Variants in MCTP2 observed in about 807,000 individuals in gnomAD.
MCTP2 encodes the protein multiple C2 and transmembrane domain-containing protein 2.
A neutral mutation model predicts 111.6 loss-of-function variants in MCTP2; 132 were observed. The observed-to-expected ratio is 1.18, with a 90% CI of 1.03 to 1.37. MCTP2 has a LOEUF of 1.37. MCTP2 is among the 40% of genes most tolerant of loss of function. MCTP2 has a pLI of 0.00. For missense variants in MCTP2, 1,183 were observed against 1,067.9 expected (o/e 1.11, Z -1.50); for synonymous variants, 395 against 387.7 (o/e 1.02, Z -0.22).
At position 94,427,411 on chromosome 15, in the gene MCTP2, G is replaced by A. The variant is rs375185628; in HGVS notation, c.2086-12765G>A. Among the ~76,000 whole-genome samples, 97 of 152,196 alleles carry A rather than the reference G, an allele frequency of 6.4e-4. 1 individual carries two copies. In the South Asian group the frequency reaches 0.019, roughly 31 times the overall value. On this transcript the variant is annotated intron_variant, in intron 17 of 22. Coordinates refer to ENST00000357742, the MANE Select transcript of MCTP2 (RefSeq NM_001385001.1). ...GCAGACTTAACAGGAAGCATGACTG[G>A]GAGGCCTCAGGAAACTTACAATCAT...
intron 1 of MCTP2, among the ~76,000 whole-genome samples, chr15:94,251,624 G>T (rs2072438088): frequency 6.6e-6 from 1 of 152,198 alleles, no homozygotes; most frequent in South Asian, 2.1e-4. Context: ...CTCCCAAAGT[G>T]CTGGGATTAT....
rs201917276 is a variant in MCTP2 at position 94,311,028 on chromosome 15, T to A, written c.466-3254T>A. 2.3e-4 allele frequency among the ~76,000 whole-genome samples: 24 copies of A among 105,080 alleles called. No homozygotes were observed. The South Asian group carries it at 2.9e-3, about 13-fold the overall frequency. The allele number at this position is 105,080 out of a possible 152,430, so 68.9% of individuals were successfully genotyped here. Reference sequence around the variant, plus strand: ...ATTGGGAACTTTCCTTTTTTTTTTTTTTTTTTTTATTTTTGAGATGGAGTC... The same window carrying A: ...ATTGGGAACTTTCCTTTTTTTTTTTATTTTTTTTATTTTTGAGATGGAGTC... On this transcript the variant is annotated intron_variant, in intron 2 of 22. Transcript: ENST00000357742.
intron 19 of MCTP2, among the ~76,000 whole-genome samples, chr15:94,457,364 A>C (rs1431603058): frequency 6.6e-6 from 1 of 152,236 alleles, no homozygotes; most frequent in African/African-American, 2.4e-5. Flanking sequence ...TGGTAAAAAC[A>C]CATGTAAGGT....
intron 19 of MCTP2, among the ~76,000 whole-genome samples, chr15:94,453,704 G>T (rs1207732728): frequency 2.0e-5 from 3 of 152,054 alleles, no homozygotes. Context: ...CATATTTAAT[G>T]AATAATCATG....
intron 1 of MCTP2, among the ~76,000 whole-genome samples, chr15:94,257,569 GTTTTTTTTTTTTTTTTT>G (rs760633548): frequency 3.8e-4 from 13 of 33,866 alleles, no homozygotes; most frequent in Non-Finnish European, 6.6e-4. Context: ...TTTCTTTGTT[GTTTTTTTTTTTTTTTTT>G]TTTTTTTTTT....
In MCTP2 at chr15:94,315,559, A is replaced by G; in HGVS notation, c.559A>G (p.Asn187Asp). The G allele has an allele frequency of 1.2e-5, 19 of 1,613,978 alleles. No individual in the cohort carries two copies. Among genetic ancestry groups the G allele is most frequent in the Non-Finnish European group, 1.5e-5 (18 of 1,179,918 alleles). Residue 187 changes from asparagine (N) to aspartate (D), a missense_variant, in exon 4 of 23, where the codon AAC (asparagine) becomes GAC (aspartate). Coordinates refer to ENST00000357742, the MANE Select transcript of MCTP2 (RefSeq NM_001385001.1). ...GGGGGAAGCCAGTGATGGCTTGAGT[A>G]ACCTCCCCAGCCCTTTTGCGTACCT... ...VPGEASDGLS[N>D]LPSPFAYLLT...
At chr15:94,473,779 G>C (rs770580992) in intron 21 of MCTP2, among the ~76,000 whole-genome samples, 2 of 152,160 alleles carry the variant, frequency 1.3e-5, no homozygotes, top group Non-Finnish European at 2.9e-5. Context: ...TAAATGAACA[G>C]GCAAGGAACC....
chr15:94,451,269 CTTCT>C (rs1322790411), intron 19 of MCTP2, among the ~76,000 whole-genome samples: 1 of 151,770 alleles, frequency 6.6e-6, no homozygotes, highest in Non-Finnish European at 1.5e-5. Flanking sequence ...AGTGAATGCT[CTTCT>C]TTTTTATTGT....
At chr15:94,333,179 A>C (rs772504325) in intron 4 of MCTP2, among the ~76,000 whole-genome samples, 1 of 152,194 alleles carries the variant, frequency 6.6e-6, no homozygotes. Context: ...AGTAGGTTGC[A>C]GTGAGCCGAT....
intron 17 of MCTP2, among the ~76,000 whole-genome samples, chr15:94,416,430 G>T (rs1252727142): frequency 6.6e-6 from 1 of 152,052 alleles, no homozygotes. Flanking sequence ...AAACACATTT[G>T]AATCAAAATC....
At position 94,470,419 on chromosome 15, in the gene MCTP2, T is replaced by C; in HGVS notation, c.2447T>C (p.Leu816Pro). Reference protein sequence around the residue: ...AATIILYFIPLRYIILIWGIN... With the variant: ...AATIILYFIPPRYIILIWGIN... ...ACCATCATTTTGTATTTCATTCCAC[T>C]GCGGTACATCATTTTAATCTGGGGT... Residue 816 changes from leucine to proline, a missense_variant, in exon 21 of 23, where the codon CTG (leucine) becomes CCG (proline). Coordinates refer to ENST00000357742, the MANE Select transcript of MCTP2 (RefSeq NM_001385001.1). 1.2e-6 allele frequency: 2 copies of C among 1,612,256 alleles called. No homozygotes were observed. The highest frequency in any genetic ancestry group is 1.7e-4 in the Middle Eastern group (1 of 6,054).
At chr15:94,455,765 A>G (rs1264745979) in intron 19 of MCTP2, among the ~76,000 whole-genome samples, 2 of 152,192 alleles carry the variant, frequency 1.3e-5, no homozygotes, top group East Asian at 1.9e-4. Context: ...AGTGGAGTCA[A>G]TTAAGGTGTC....
chr15:94,388,970 AGGGTC>A (rs1387888779), intron 14 of MCTP2, among the ~76,000 whole-genome samples: 1 of 152,204 alleles, frequency 6.6e-6, no homozygotes, highest in East Asian at 1.9e-4. Flanking sequence ...ATGTGCCGTC[AGGGTC>A]GGGGTTGGGG....
At chr15:94,237,490 A>G (rs960649505) in intron 1 of MCTP2, among the ~76,000 whole-genome samples, 32 of 150,718 alleles carry the variant, frequency 2.1e-4, no homozygotes, top group African/African-American at 7.1e-4. Context: ...GGGTCTGGGG[A>G]CTCATGCCCT....
At chr15:94,423,759 T>A (rs1248442658) in intron 17 of MCTP2, among the ~76,000 whole-genome samples, 3 of 152,170 alleles carry the variant, frequency 2.0e-5, no homozygotes, top group African/African-American at 7.2e-5. Flanking sequence ...TTGAAAGCAT[T>A]CCTAGGCCAG....
intron 1 of MCTP2, among the ~76,000 whole-genome samples, chr15:94,257,561 TC>T (rs2072863343): frequency 4.6e-5 from 6 of 129,958 alleles, no homozygotes; most frequent in South Asian, 2.5e-4. Context: ...GTTGTCATTT[TC>T]TTTGTTGTTT....
At chr15:94,463,533 G>A (rs1475777002) in intron 20 of MCTP2, among the ~76,000 whole-genome samples, 1 of 152,012 alleles carries the variant, frequency 6.6e-6, no homozygotes, top group Non-Finnish European at 1.5e-5. Context: ...AAATGTATAA[G>A]AATAATTTTT....
chr15:94,277,933 A>G (rs952263325), intron 1 of MCTP2, among the ~76,000 whole-genome samples: 11 of 152,232 alleles, frequency 7.2e-5, no homozygotes, highest in African/African-American at 2.7e-4. Flanking sequence ...GTTAAAAAGG[A>G]TGGACAGAGG....
chr15:94,411,578 G>A (rs1375467460), intron 17 of MCTP2, among the ~76,000 whole-genome samples: 1 of 152,124 alleles, frequency 6.6e-6, no homozygotes, highest in Non-Finnish European at 1.5e-5. Context: ...TTGTGGTCTG[G>A]TCAGGGTTTA....
Sources: allele counts gnomAD v4.1 joint callset (sites outside exome capture counted in the v4.1 genomes callset), GRCh38; gene constraint gnomAD v4.1.1; transcripts MANE v1.5; gene names NCBI Gene and HGNC (gene_info 2026-07-23, HGNC 2026-07-21).